The following RPS6KA5 variants were observed in gnomAD, a reference collection of about 807,000 sequenced individuals.
RPS6KA5 encodes ribosomal protein S6 kinase alpha-5.
In RPS6KA5, 27 loss-of-function variants were observed where a neutral mutation model predicts 85.5. That is an observed-to-expected ratio of 0.32 (90% confidence interval 0.23 to 0.44). The LOEUF is 0.44. Ranked by LOEUF, RPS6KA5 falls within the 20% of genes least tolerant of loss-of-function variation. The pLI is 1.00. For missense variants in RPS6KA5, 811 were observed against 980.9 expected (o/e 0.83, Z 2.31); for synonymous variants, 334 against 348.2 (o/e 0.96, Z 0.46).
intron 1 of RPS6KA5, among the ~76,000 whole-genome samples, chr14:91,016,349 A>AT (rs1021965286): frequency 1.3e-5 from 2 of 152,034 alleles, no homozygotes; most frequent in African/African-American, 4.8e-5. Flanking sequence ...TGGTCAATTA[A>AT]TTTTTTTAAT....
rs570737390 is a variant in RPS6KA5 at position 90,905,949 on chromosome 14, T to C, written c.957+200A>G. On this transcript the variant is annotated intron_variant, in intron 8 of 16. Transcript: ENST00000614987. ...CATTGAGGGAGAAAAATACCATTAA[T>C]GTTTATACAAGTAGAATTTTGGCCC... Among the ~76,000 whole-genome samples the C allele has an allele frequency of 8.7e-4, 133 of 152,266 alleles. 1 individual carries two copies. Among genetic ancestry groups the C allele is most frequent in the Non-Finnish European group, 1.4e-3 (93 of 68,008 alleles).
chr14:90,875,680 A>C (rs541213393), intron 14 of RPS6KA5, among the ~76,000 whole-genome samples: 11 of 152,118 alleles, frequency 7.2e-5, no homozygotes, highest in East Asian at 3.9e-4. Flanking sequence ...AGACTGGATT[A>C]AGAAAATGTG....
At chr14:91,018,983 A>G (rs1403201817) in intron 1 of RPS6KA5, among the ~76,000 whole-genome samples, 1 of 152,030 alleles carries the variant, frequency 6.6e-6, no homozygotes, top group Non-Finnish European at 1.5e-5. Context: ...AAATTACAAG[A>G]TATCAAGCAG....
At chr14:90,872,424 A>T (rs2033180905) in intron 16 of RPS6KA5, 102 bp from the exon 17 acceptor site, 2 of 1,392,738 alleles carry the variant, frequency 1.4e-6, no homozygotes, top group African/African-American at 2.9e-5. Flanking sequence ...TGGCAACTGC[A>T]GCCCCAAGTT....
At chr14:91,024,878 A>T (rs931412216) in intron 1 of RPS6KA5, among the ~76,000 whole-genome samples, 1 of 150,192 alleles carries the variant, frequency 6.7e-6, no homozygotes, top group Non-Finnish European at 1.5e-5. Flanking sequence ...CATAGAGCCA[A>T]TTTTTTTTTT....
At chr14:91,007,144 T>C (rs1034199231) in intron 1 of RPS6KA5, among the ~76,000 whole-genome samples, 1 of 152,220 alleles carries the variant, frequency 6.6e-6, no homozygotes, top group Non-Finnish European at 1.5e-5. Context: ...AGTTTGGGCA[T>C]TTGTGGATGT....
chr14:90,953,360 C>CT (rs2038316217), intron 3 of RPS6KA5, among the ~76,000 whole-genome samples: 2 of 152,090 alleles, frequency 1.3e-5, no homozygotes, highest in African/African-American at 4.8e-5. Context: ...ATCCTGTTAT[C>CT]TTTGTAAGAT....
intron 5 of RPS6KA5, among the ~76,000 whole-genome samples, chr14:90,934,770 C>T (rs1176956525): frequency 1.3e-5 from 2 of 152,016 alleles, no homozygotes; most frequent in Non-Finnish European, 2.9e-5. Context: ...CCCTATTTAC[C>T]CCCCAACCTT....
At chr14:90,984,962 C>T (rs1465591096) in intron 2 of RPS6KA5, among the ~76,000 whole-genome samples, 3 of 149,026 alleles carry the variant, frequency 2.0e-5, no homozygotes, top group African/African-American at 5.0e-5. Flanking sequence ...TTTTTTGAGA[C>T]GGAGTTTTGC....
At chr14:90,898,792 G>T (rs1054554866) in intron 12 of RPS6KA5, among the ~76,000 whole-genome samples, 1 of 152,256 alleles carries the variant, frequency 6.6e-6, no homozygotes, top group Non-Finnish European at 1.5e-5. Context: ...ACTGAGAGCA[G>T]AAGAGGGGGC....
intron 3 of RPS6KA5, among the ~76,000 whole-genome samples, chr14:90,963,945 G>A (rs2038934619): frequency 6.6e-6 from 1 of 152,084 alleles, no homozygotes; most frequent in Non-Finnish European, 1.5e-5. Flanking sequence ...CTGAGGCTGG[G>A]GTCAGATTGT....
chr14:90,889,235 A>G (rs1369037013), intron 14 of RPS6KA5, among the ~76,000 whole-genome samples: 1 of 143,512 alleles, frequency 7.0e-6, no homozygotes, highest in Admixed American at 7.5e-5. Flanking sequence ...CGGAGGTTGC[A>G]GTGAGCCAAG....
intron 1 of RPS6KA5, among the ~76,000 whole-genome samples, chr14:91,028,374 C>T (rs1305597843): frequency 6.6e-6 from 1 of 152,098 alleles, no homozygotes; most frequent in Admixed American, 6.5e-5. Flanking sequence ...TGAGCCACCA[C>T]ACCTGGATAA....
intron 5 of RPS6KA5, among the ~76,000 whole-genome samples, chr14:90,935,393 G>A (rs561924926): frequency 1.6e-4 from 24 of 152,182 alleles, no homozygotes; most frequent in Non-Finnish European, 2.6e-4. Flanking sequence ...GAAATAGAAC[G>A]GATATAGTGC....
In RPS6KA5 at chr14:90,965,429, A is replaced by C. The variant is rs555562974; in HGVS notation, c.394+12877T>G. Among the ~76,000 whole-genome samples the C allele has an allele frequency of 3.3e-5, 5 of 152,290 alleles. No homozygotes were observed. The South Asian group carries it at 1.0e-3, about 32-fold the overall frequency. ...TTAAATTTTTGCCAATCTGACATACATTTCCAAGATACAGAGGATTTTAAG... is the reference window on the plus strand; with the variant it reads ...TTAAATTTTTGCCAATCTGACATACCTTTCCAAGATACAGAGGATTTTAAG... On this transcript the variant is annotated intron_variant, in intron 3 of 16. Coordinates refer to ENST00000614987, the MANE Select transcript of RPS6KA5 (RefSeq NM_004755.4).
intron 1 of RPS6KA5, among the ~76,000 whole-genome samples, chr14:91,017,345 A>G (rs546205254): frequency 6.6e-6 from 1 of 152,348 alleles, no homozygotes; most frequent in African/African-American, 2.4e-5. Context: ...TTCTGTCACA[A>G]CTACCATCCA....
intron 3 of RPS6KA5, among the ~76,000 whole-genome samples, chr14:90,968,527 T>A (rs1349357185): frequency 2.0e-5 from 3 of 152,188 alleles, no homozygotes; most frequent in Non-Finnish European, 4.4e-5. Flanking sequence ...CCTCTATTCA[T>A]TCCTTAACAT....
intron 3 of RPS6KA5, among the ~76,000 whole-genome samples, chr14:90,960,304 C>T (rs189835429): frequency 1.3e-5 from 2 of 152,150 alleles, no homozygotes; most frequent in East Asian, 3.9e-4. Flanking sequence ...GTAAAAACAA[C>T]TTAGCCAGGC....
At chr14:90,925,216 C>A (rs1205546407) in intron 5 of RPS6KA5, among the ~76,000 whole-genome samples, 1 of 152,156 alleles carries the variant, frequency 6.6e-6, no homozygotes, top group Non-Finnish European at 1.5e-5. Flanking sequence ...TGAGTTGTTA[C>A]AGGTCTCAGC....
Sources: allele counts gnomAD v4.1 joint callset (sites outside exome capture counted in the v4.1 genomes callset), GRCh38; gene constraint gnomAD v4.1.1; transcripts MANE v1.5; gene names NCBI Gene and HGNC (gene_info 2026-07-23, HGNC 2026-07-21).